FRY: variants seen among roughly 807,000 people sequenced by gnomAD.
FRY encodes protein furry homolog.
A neutral mutation model predicts 348.4 loss-of-function variants in FRY; 128 were observed. That is an observed-to-expected ratio of 0.37 (90% CI 0.32 to 0.43). The LOEUF is 0.43. FRY is among the 20% of genes least tolerant of loss of function. FRY has a pLI of 1.00. For missense variants in FRY, 2,736 were observed against 3,695.2 expected, an observed-to-expected ratio of 0.74 and a Z score of 6.73; for synonymous variants, 1,370 against 1,374.7, an observed-to-expected ratio of 1.00 and a Z score of 0.08.
intron 27 of FRY, among the ~76,000 whole-genome samples, chr13:32,186,936 T>C (rs997611785): frequency 2.6e-5 from 4 of 152,188 alleles, no homozygotes; most frequent in African/African-American, 9.6e-5. Context: ...GGAACTAATT[T>C]AAACTATGGC....
At chr13:32,089,884 T>C (rs895669376) in intron 2 of FRY, among the ~76,000 whole-genome samples, 1 of 152,052 alleles carries the variant, frequency 6.6e-6, no homozygotes, top group Non-Finnish European at 1.5e-5. Context: ...GCATGAAAAA[T>C]GGCCACCAGA....
intron 35 of FRY, among the ~76,000 whole-genome samples, chr13:32,215,695 A>G (rs1566139560): frequency 6.6e-6 from 1 of 152,162 alleles, no homozygotes; most frequent in Non-Finnish European, 1.5e-5. Flanking sequence ...TCAGCCTCCC[A>G]GGTGACTAGG....
intron 2 of FRY, among the ~76,000 whole-genome samples, chr13:32,099,083 T>C (rs1353216647): frequency 1.3e-5 from 2 of 151,798 alleles, no homozygotes; most frequent in East Asian, 3.9e-4. Context: ...ATTGGAGAAA[T>C]GATTAGACCC....
Position 32,268,127 on chromosome 13 carries a change from C to T in FRY, c.8136+768C>T, listed in dbSNP as rs547910180. On this transcript the variant is annotated intron_variant, in intron 55 of 60. Coordinates refer to ENST00000542859, the MANE Select transcript of FRY (RefSeq NM_023037.3). ...TGCACACAGCTCTCTGTGGCAGTCTCATGTGTGGGCACGCTTAAATCTCGC... is the reference window on the plus strand; with the variant it reads ...TGCACACAGCTCTCTGTGGCAGTCTTATGTGTGGGCACGCTTAAATCTCGC... Among the ~76,000 whole-genome samples the T allele has an allele frequency of 5.0e-4, 76 of 152,362 alleles. 1 individual carries two copies. Among genetic ancestry groups the T allele is most frequent in the African/African-American group, 1.8e-3 (75 of 41,588 alleles).
At chr13:32,224,176 A>G in intron 36 of FRY, 59 bp from the exon 37 acceptor site, 2 of 1,374,400 alleles carry the variant, frequency 1.5e-6, no homozygotes, top group Non-Finnish European at 2.1e-6. Context: ...AACATCAAGT[A>G]GAGAAAACAA....
chr13:32,055,306 G>C (rs1215596621), intron 1 of FRY, among the ~76,000 whole-genome samples: 1 of 152,144 alleles, frequency 6.6e-6, no homozygotes, highest in Non-Finnish European at 1.5e-5. Context: ...ACCTCCCAAA[G>C]TGGTGGGATT....
intron 7 of FRY, among the ~76,000 whole-genome samples, chr13:32,126,913 G>T (rs892258427): frequency 6.6e-6 from 1 of 152,128 alleles, no homozygotes; most frequent in African/African-American, 2.4e-5. Flanking sequence ...CATTCCCAAT[G>T]ATAATGCTTA....
intron 59 of FRY, chr13:32,292,063 A>C: frequency 2.2e-6 from 1 of 445,330 alleles, no homozygotes; most frequent in South Asian, 1.6e-5. Context: ...GCTCACTGCA[A>C]CTGCCACCTC....
intron 2 of FRY, among the ~76,000 whole-genome samples, chr13:32,089,111 A>G (rs1876082572): frequency 6.6e-6 from 1 of 152,208 alleles, no homozygotes; most frequent in Non-Finnish European, 1.5e-5. Flanking sequence ...GCATTTTGAC[A>G]TTCCTGAAAA....
chr13:32,054,927 G>A (rs1023502939), intron 1 of FRY, among the ~76,000 whole-genome samples: 1 of 152,062 alleles, frequency 6.6e-6, no homozygotes, highest in African/African-American at 2.4e-5. Context: ...AACCAATGAA[G>A]CACAGCAAAA....
chr13:32,286,465 T>C lies in FRY; in HGVS notation c.8470-3168T>C, dbSNP rs548040486. ...GGTGACATCAAAAAATGGTAGCTGC[T>C]GGCTGGGCGCGGTGGCTCAGGCATG... On this transcript the variant is annotated intron_variant, in intron 58 of 60. Transcript: ENST00000542859. 2.0e-5 allele frequency among the ~76,000 whole-genome samples: 3 copies of C among 152,242 alleles called. No individual in the cohort carries two copies. In the East Asian group the frequency reaches 5.8e-4, roughly 29 times the overall value.
Position 32,210,852 on chromosome 13 carries a change from T to C in FRY, c.4423-14T>C. 1 of 1,612,752 alleles carries C rather than the reference T, an allele frequency of 6.2e-7. No individual in the cohort carries two copies. Among genetic ancestry groups the C allele is most frequent in the East Asian group, 2.2e-5 (1 of 44,878 alleles). On this transcript the variant is annotated splice_polypyrimidine_tract_variant and intron_variant, in intron 33 of 60. Coordinates refer to ENST00000542859, the MANE Select transcript of FRY (RefSeq NM_023037.3). ...CTCTGTGAAACATCCCTTGTTTTCT[T>C]TTTTCCTTCTCAGATTAAAAAAGTG...
chr13:32,147,712 G>T, intron 12 of FRY, 127 bp from the exon 13 acceptor site: 1 of 736,622 alleles, frequency 1.4e-6, no homozygotes, highest in East Asian at 2.5e-5. Flanking sequence ...AAAGAGGTGA[G>T]GTGGTTTGTT....
intron 10 of FRY, 58 bp downstream of exon 10, chr13:32,135,241 A>C (rs1475990961): frequency 1.9e-6 from 2 of 1,046,608 alleles, no homozygotes; most frequent in Non-Finnish European, 3.0e-6. Context: ...TAAAATTCCT[A>C]GACAGGAATC....
At chr13:32,260,019 T>A (rs1014917772) in intron 51 of FRY, among the ~76,000 whole-genome samples, 1 of 152,222 alleles carries the variant, frequency 6.6e-6, no homozygotes, top group Non-Finnish European at 1.5e-5. Flanking sequence ...TTATCCAGAT[T>A]GTGCTTAGGA....
intron 55 of FRY, among the ~76,000 whole-genome samples, chr13:32,268,505 A>AAAAAATATATATAT (rs1555273232): frequency 3.5e-5 from 1 of 28,316 alleles, no homozygotes; most frequent in African/African-American, 9.3e-5. Flanking sequence ...AAAAAAAAAA[A>AAAAAATATATATAT]ATATATATAT....
At chr13:32,130,054 C>CTTTT (rs746424659) in intron 7 of FRY, among the ~76,000 whole-genome samples, 1 of 128,038 alleles carries the variant, frequency 7.8e-6, no homozygotes. Flanking sequence ...CTCCCCCAGC[C>CTTTT]TTTTTTTTTT....
chr13:32,104,894 T>A (rs1272110048), intron 3 of FRY, among the ~76,000 whole-genome samples: 1 of 152,184 alleles, frequency 6.6e-6, no homozygotes, highest in African/African-American at 2.4e-5. Context: ...TTGCTCCTCA[T>A]TCACCCCTGT....
chr13:32,227,475 T>C (rs1447680736), intron 39 of FRY, among the ~76,000 whole-genome samples: 2 of 152,184 alleles, frequency 1.3e-5, no homozygotes, highest in African/African-American at 4.8e-5. Flanking sequence ...ACTACATACT[T>C]TTTATGATTA....
Sources: allele counts gnomAD v4.1 joint callset (sites outside exome capture counted in the v4.1 genomes callset), GRCh38; gene constraint gnomAD v4.1.1; transcripts MANE v1.5; gene names NCBI Gene and HGNC (gene_info 2026-07-23, HGNC 2026-07-21).